Variants in CNBD1 observed in about 807,000 individuals in gnomAD.
CNBD1 encodes the protein cyclic nucleotide-binding domain-containing protein 1.
Under a neutral mutation model 54.4 loss-of-function variants are expected in CNBD1, and 71 were observed. The ratio of observed to expected loss-of-function variants is 1.30; its 90% CI spans 1.08 to 1.59. The LOEUF is 1.59. CNBD1 is among the 40% of genes most tolerant of loss of function. The probability of loss-of-function intolerance (pLI) is 0.00; values close to 1 mark genes in which losing one functional copy is unlikely to be tolerated. For synonymous variants in CNBD1, 182 were observed against 170.7 expected, an observed-to-expected ratio of 1.07 and a Z score of -0.51; for missense variants, 659 against 518.0, an observed-to-expected ratio of 1.27 and a Z score of -2.64.
rs190788646 is a variant in CNBD1 at position 86,962,077 on chromosome 8, A to G, written c.431+22323A>G. ...TTTTGAGAGGGATACATCCACTTGT[A>G]ATCCCTGGCACTCCATGAGGAAAAC... is the stretch of plus-strand genomic sequence containing the variant. On this transcript the variant is annotated intron_variant, in intron 4 of 10. Coordinates refer to ENST00000518476, the MANE Select transcript of CNBD1 (RefSeq NM_173538.3). Among the ~76,000 whole-genome samples the G allele has an allele frequency of 2.4e-3, 361 of 152,172 alleles. 2 individuals are homozygous for G. The highest frequency in any genetic ancestry group is 8.5e-3 in the African/African-American group (352 of 41,442).
At chr8:87,146,547 C>A (rs1397707382) in intron 4 of CNBD1, among the ~76,000 whole-genome samples, 2 of 152,090 alleles carry the variant, frequency 1.3e-5, no homozygotes, top group Non-Finnish European at 2.9e-5. Flanking sequence ...ACATAAAAGG[C>A]ATAAACTTGA....
At chr8:87,159,699 G>T (rs1393927820) in intron 4 of CNBD1, among the ~76,000 whole-genome samples, 1 of 152,050 alleles carries the variant, frequency 6.6e-6, no homozygotes, top group African/African-American at 2.4e-5. Context: ...CACCTCTGCA[G>T]CCAACCTAAG....
At chr8:87,047,945 T>C (rs1312646746) in intron 4 of CNBD1, among the ~76,000 whole-genome samples, 29 of 152,224 alleles carry the variant, frequency 1.9e-4, no homozygotes, top group Admixed American at 1.7e-3. Context: ...ACTTATCTTT[T>C]CTAATTTTCA....
intron 2 of CNBD1, among the ~76,000 whole-genome samples, chr8:87,418,232 C>A (rs1322434012): frequency 4.0e-5 from 6 of 151,844 alleles, no homozygotes; most frequent in Non-Finnish European, 5.9e-5. Context: ...CAGAAATAAA[C>A]CCACACATTT....
chr8:87,041,106 T>G lies in CNBD1; in HGVS notation c.431+101352T>G, dbSNP rs187576182. Among the ~76,000 whole-genome samples the G allele has an allele frequency of 4.7e-4, 71 of 152,162 alleles. No homozygotes were observed. The East Asian group carries it at 0.013, about 27-fold the overall frequency. On this transcript the variant is annotated intron_variant, in intron 4 of 10. Coordinates refer to ENST00000518476, the MANE Select transcript of CNBD1 (RefSeq NM_173538.3). ...AATTACTTTTCACCAGCCTAATATA[T>G]TTTTAGTGAGGTTCCAAGCAATAAA...
intron 2 of CNBD1, among the ~76,000 whole-genome samples, chr8:86,891,202 C>T (rs1808762988): frequency 6.6e-6 from 1 of 151,968 alleles, no homozygotes; most frequent in African/African-American, 2.4e-5. Flanking sequence ...ATGTTTTATC[C>T]TAGCAGTTCT....
At position 87,285,910 on chromosome 8, in the gene CNBD1, G is replaced by T. The variant is rs377736152; in HGVS notation, c.910-629G>T. 2.4e-4 allele frequency among the ~76,000 whole-genome samples: 36 copies of T among 152,238 alleles called. 1 individual carries two copies. The highest frequency in any genetic ancestry group is 3.4e-3 in the Middle Eastern group (1 of 294). Reference sequence around the variant, plus strand: ...AAATAAAAAATAATGGGATTCAAAGGTTTCCATGATCCTGCTGTTTCATCT... The same window carrying T: ...AAATAAAAAATAATGGGATTCAAAGTTTTCCATGATCCTGCTGTTTCATCT... On this transcript the variant is annotated intron_variant, in intron 7 of 10. Coordinates refer to ENST00000518476, the MANE Select transcript of CNBD1 (RefSeq NM_173538.3).
At chr8:86,877,267 T>C (rs895513520) in intron 1 of CNBD1, among the ~76,000 whole-genome samples, 1 of 152,176 alleles carries the variant, frequency 6.6e-6, no homozygotes, top group African/African-American at 2.4e-5. Flanking sequence ...ATTTATACTA[T>C]CTCCATTATA....
chr8:86,916,322 T>C (rs1809184182), intron 3 of CNBD1, among the ~76,000 whole-genome samples: 1 of 152,186 alleles, frequency 6.6e-6, no homozygotes, highest in East Asian at 1.9e-4. Context: ...AGAGATCAAG[T>C]GCACTGTTTG....
At chr8:87,072,129 C>A (rs1239765355) in intron 4 of CNBD1, among the ~76,000 whole-genome samples, 1 of 152,144 alleles carries the variant, frequency 6.6e-6, no homozygotes, top group African/African-American at 2.4e-5. Flanking sequence ...ATTAGGATTG[C>A]AACCCCGGCT....
intron 1 of CNBD1, among the ~76,000 whole-genome samples, chr8:86,868,425 C>G (rs965967231): frequency 6.6e-6 from 1 of 152,128 alleles, no homozygotes; most frequent in African/African-American, 2.4e-5. Flanking sequence ...TCACCACAAC[C>G]TCCGCCTCCT....
At chr8:87,364,821 A>G (rs1291974502) in intron 10 of CNBD1, among the ~76,000 whole-genome samples, 1 of 152,030 alleles carries the variant, frequency 6.6e-6, no homozygotes, top group Non-Finnish European at 1.5e-5. Context: ...AGGACATGAT[A>G]TCATTCTTTT....
intron 2 of CNBD1, among the ~76,000 whole-genome samples, chr8:87,408,212 A>C (rs191209590): frequency 3.3e-5 from 5 of 151,702 alleles, no homozygotes; most frequent in African/African-American, 9.7e-5. Context: ...TCCTTTCTTC[A>C]TGGTACTATA....
chr8:87,302,090 A>ATG (rs1809010972), intron 8 of CNBD1, among the ~76,000 whole-genome samples: 1 of 152,166 alleles, frequency 6.6e-6, no homozygotes, highest in African/African-American at 2.4e-5. Context: ...TCCTTCTGAA[A>ATG]CTATTCCAAT....
At chr8:87,161,880 T>C (rs1405142334) in intron 4 of CNBD1, among the ~76,000 whole-genome samples, 1 of 152,146 alleles carries the variant, frequency 6.6e-6, no homozygotes, top group African/African-American at 2.4e-5. Flanking sequence ...AAAAGGTCTT[T>C]CTAAAACACA....
In CNBD1 at chr8:87,308,973, T is replaced by G. The variant is rs537392828; in HGVS notation, c.1042+22302T>G. 2.6e-5 allele frequency among the ~76,000 whole-genome samples: 4 copies of G among 152,320 alleles called. No homozygotes were observed. In the South Asian group the frequency reaches 8.3e-4, roughly 32 times the overall value. Reference sequence around the variant, plus strand: ...TCTATTATGTATGCATGCCACATTTTCTTTATCCATTCATTTCTTGATGGA... The same window carrying G: ...TCTATTATGTATGCATGCCACATTTGCTTTATCCATTCATTTCTTGATGGA... On this transcript the variant is annotated intron_variant, in intron 8 of 10. Transcript: ENST00000518476.
At chr8:86,932,683 C>G (rs959098622) in intron 3 of CNBD1, among the ~76,000 whole-genome samples, 2 of 151,546 alleles carry the variant, frequency 1.3e-5, no homozygotes, top group African/African-American at 4.9e-5. Flanking sequence ...AATATTGGGG[C>G]CAGGCCATAG....
chr8:87,329,834 C>A (rs1392013399), intron 8 of CNBD1, among the ~76,000 whole-genome samples: 1 of 151,828 alleles, frequency 6.6e-6, no homozygotes, highest in Non-Finnish European at 1.5e-5. Flanking sequence ...ATGATTATGT[C>A]ATCAGCAAAG....
intron 3 of CNBD1, among the ~76,000 whole-genome samples, chr8:86,932,743 G>A (rs564949930): frequency 1.3e-5 from 2 of 151,894 alleles, no homozygotes; most frequent in African/African-American, 4.8e-5. Context: ...GGGTCAAATT[G>A]TTCCCAATGG....
Sources: gnomAD v4.1 joint callset for allele counts (sites outside exome capture counted in the v4.1 genomes callset) on GRCh38, gnomAD v4.1.1 for gene constraint, MANE v1.5 for transcripts, NCBI Gene and HGNC (gene_info 2026-07-23, HGNC 2026-07-21) for gene names.